Variants in LPIN3 observed in about 807,000 individuals in gnomAD.
LPIN3 encodes the protein lipin 3.
In LPIN3, 82 loss-of-function variants were observed where a neutral mutation model predicts 94.7. The ratio of observed to expected loss-of-function variants is 0.87; its 90% confidence interval spans 0.72 to 1.04. LPIN3 has a LOEUF of 1.04. Among genes scored for constraint, LPIN3 ranks in the 50% least tolerant of loss-of-function variants. The pLI is 0.00. For missense variants in LPIN3, 996 were observed against 1,090.5 expected, an observed-to-expected ratio of 0.91 and a Z score of 1.22; for synonymous variants, 418 against 443.3, an observed-to-expected ratio of 0.94 and a Z score of 0.72.
In LPIN3 at chr20:41,348,816, T is replaced by C. The variant is rs760219305; in HGVS notation, c.486T>C (p.Ser162=). 10 of 1,611,470 alleles carry C rather than the reference T, an allele frequency of 6.2e-6. No homozygotes were observed. The Middle Eastern group carries it at 9.9e-4, about 160-fold the overall frequency. ...AGGATGCAGTGGCAACTGATTCTAG[T>C]CCAGAGGAACTGGAGGCAGGCGCTG... ...QKEDAVATDS[S]PEELEAGAES... Residue 162 remains serine, a synonymous_variant, in exon 4 of 20, where the codon AGT becomes AGC. Coordinates refer to ENST00000373257, the MANE Select transcript of LPIN3 (RefSeq NM_022896.3).
chr20:41,358,013 G>C lies in LPIN3; in HGVS notation c.2171G>C (p.Ser724Thr). ...PKGPILLSPS[S>T]LFSALHREVI... ...GGCCCCATCCTTCTGTCTCCCAGCA[G>C]CCTCTTCTCTGCCCTCCACAGGTAA... is the stretch of plus-strand genomic sequence containing the variant. Residue 724 changes from serine to threonine, a missense_variant, in exon 17 of 20, where the codon AGC (serine) becomes ACC (threonine). By Grantham distance (58) the Ser-to-Thr change is moderately conservative. Coordinates refer to ENST00000373257, the MANE Select transcript of LPIN3 (RefSeq NM_022896.3). The C allele has an allele frequency of 6.2e-7, 1 of 1,607,978 alleles. No homozygotes were observed. Among genetic ancestry groups the C allele is most frequent in the Non-Finnish European group, 8.5e-7 (1 of 1,177,316 alleles).
At chr20:41,352,891 C>G (rs1428843658) in intron 11 of LPIN3, 24 bp downstream of exon 11, 1 of 1,612,774 alleles carries the variant, frequency 6.2e-7, no homozygotes, top group African/African-American at 1.3e-5. Context: ...CACCACTGCC[C>G]CTGCTGGGGA....
rs1448692871 is a variant in LPIN3 at position 41,354,866 on chromosome 20, G to C, written c.1664+3G>C. On this transcript the variant is annotated splice_donor_region_variant and intron_variant, in intron 13 of 19. Transcript: ENST00000373257. ...ACTGCAGCCAAGGAGCAGCAGGGGTGAGTGAGACCCCCTATTGGGGCTCTG... is the reference window on the plus strand; with the variant it reads ...ACTGCAGCCAAGGAGCAGCAGGGGTCAGTGAGACCCCCTATTGGGGCTCTG... The C allele has an allele frequency of 1.3e-6, 2 of 1,559,228 alleles. No individual in the cohort carries two copies. The highest frequency in any genetic ancestry group is 4.8e-5 in the East Asian group (2 of 41,462).
chr20:41,353,428 A>G (rs2046097153), intron 11 of LPIN3, among the ~76,000 whole-genome samples: 3 of 152,224 alleles, frequency 2.0e-5, no homozygotes, highest in Non-Finnish European at 4.4e-5. Flanking sequence ...CCAGATGAAT[A>G]TAATTCAGTC....
Position 41,358,759 on chromosome 20 carries a change from C to T in LPIN3, c.2449C>T (p.Pro817Ser), listed in dbSNP as rs1569014395. 2 of 1,614,166 alleles carry T rather than the reference C, an allele frequency of 1.2e-6. No individual in the cohort carries two copies. The highest frequency in any genetic ancestry group is 8.5e-7 in the Non-Finnish European group (1 of 1,180,034). ...RLGEVVELLF[P>S]PVARGPSTDL... is the part of the protein sequence containing the mutation. ...TGGTGAAGTGGTCGAGCTCCTCTTC[C>T]CACCTGTGGCCCGTGGCCCCAGCAC... Residue 817 changes from proline to serine, a missense_variant, in exon 20 of 20, where the codon CCA (proline) becomes TCA (serine). Pro to Ser is a moderately conservative substitution (Grantham distance 74). Transcript: ENST00000373257.
rs1480260482 is a variant in LPIN3, at chr20:41,360,542, T to C, written c.*1676T>C. 6.6e-6 allele frequency: 1 copy of C among 152,638 alleles called. No individual in the cohort carries two copies. The highest frequency in any genetic ancestry group is 2.1e-4 in the South Asian group (1 of 4,828). 9.5% of individuals were successfully genotyped at this position (152,638 alleles called of 1,614,324 possible). On this transcript the variant is annotated 3_prime_UTR_variant, in exon 20 of 20. Transcript: ENST00000373257. Reference sequence around the variant, plus strand: ...TTCTACAGCTGCCTAAGCCCTCACCTTGGGGGAGGATCAAAGGGAATAAAG... The same window carrying C: ...TTCTACAGCTGCCTAAGCCCTCACCCTGGGGGAGGATCAAAGGGAATAAAG...
rs563006381 is a variant in LPIN3, at chr20:41,345,264, G to A, written c.-8-532G>A. On this transcript the variant is annotated intron_variant, in intron 1 of 19. Coordinates refer to ENST00000373257, the MANE Select transcript of LPIN3 (RefSeq NM_022896.3). ...GCTGCCCCCTCTTCCCACCCCCTCC[G>A]TTTTCACAGTTGGACCATCCCAGTG... 8.5e-5 allele frequency among the ~76,000 whole-genome samples: 13 copies of A among 152,178 alleles called. No homozygotes were observed. The South Asian group carries it at 1.5e-3, about 17-fold the overall frequency.
chr20:41,348,520 C>T (rs2045870569), intron 3 of LPIN3, 99 bp from the exon 4 acceptor site: 1 of 1,496,886 alleles, frequency 6.7e-7, no homozygotes, highest in Non-Finnish European at 8.9e-7. Flanking sequence ...AATGAGCTCA[C>T]TCCAGGGCTG....
chr20:41,356,752 G>A (rs1171402633), intron 14 of LPIN3, among the ~76,000 whole-genome samples: 1 of 152,190 alleles, frequency 6.6e-6, no homozygotes, highest in Admixed American at 6.5e-5. Context: ...GGAATCCTGG[G>A]CAGGGAGTCA....
At chr20:41,350,786 CT>C (rs1283936662) in intron 7 of LPIN3, among the ~76,000 whole-genome samples, 1 of 152,150 alleles carries the variant, frequency 6.6e-6, no homozygotes, top group Non-Finnish European at 1.5e-5. Context: ...CTGAAAGCAG[CT>C]GGCGTGCCTT....
chr20:41,355,657 T>G (rs1282520208), intron 13 of LPIN3, among the ~76,000 whole-genome samples: 2 of 152,204 alleles, frequency 1.3e-5, no homozygotes, highest in African/African-American at 2.4e-5. Context: ...AGGCAGACAC[T>G]GAGGGCTGGC....
chr20:41,350,085 G>A lies in LPIN3; in HGVS notation c.790G>A (p.Val264Met). 6.2e-7 allele frequency: 1 copy of A among 1,608,008 alleles called. No individual in the cohort carries two copies. The highest frequency in any genetic ancestry group is 8.5e-7 in the Non-Finnish European group (1 of 1,177,032). ...VARAERPESS[V>M]VLEGRAGATS... Reference sequence around the variant, plus strand: ...CAGAGCTGAGCGGCCCGAGTCCTCAGTGGTCCTTGAAGGCAGAGCTGGGGC... The same window carrying A: ...CAGAGCTGAGCGGCCCGAGTCCTCAATGGTCCTTGAAGGCAGAGCTGGGGC... Residue 264 changes from valine to methionine, a missense_variant, in exon 7 of 20, where the codon GTG (valine) becomes ATG (methionine). Transcript: ENST00000373257.
chr20:41,341,710 C>T (rs1411647521), intron 1 of LPIN3, among the ~76,000 whole-genome samples: 1 of 152,212 alleles, frequency 6.6e-6, no homozygotes, highest in Non-Finnish European at 1.5e-5. Context: ...CCGCTGGGCG[C>T]GGTGGCTCAC....
chr20:41,355,101 A>G (rs1600736549), intron 13 of LPIN3, among the ~76,000 whole-genome samples: 1 of 151,074 alleles, frequency 6.6e-6, no homozygotes, highest in Non-Finnish European at 1.5e-5. Flanking sequence ...TGCAACCTCC[A>G]CCTCCCGGGT....
At position 41,357,397 on chromosome 20, in the gene LPIN3, G is replaced by A. The variant is rs1012029134; in HGVS notation, c.1989G>A (p.Gly663=). 1.2e-6 allele frequency: 2 copies of A among 1,614,054 alleles called. No individual in the cohort carries two copies. Among genetic ancestry groups the A allele is most frequent in the Non-Finnish European group, 1.7e-6 (2 of 1,179,998 alleles). The change falls in exon 16 of 20, where the codon GGG becomes GGA. Residue 663 remains glycine (G), a synonymous_variant. Coordinates refer to ENST00000373257, the MANE Select transcript of LPIN3 (RefSeq NM_022896.3). ...DALGHILPQL[G]KDWTHQGITS... is the part of the protein sequence containing the mutation. The stretch of plus-strand genomic sequence containing the variant: ...TGGGCCATATCCTGCCCCAGCTGGG[G>A]AAAGACTGGACACACCAGGGCATCA...
chr20:41,357,555 C>A, intron 16 of LPIN3, 108 bp downstream of exon 16: 3 of 988,504 alleles, frequency 3.0e-6, no homozygotes, highest in Non-Finnish European at 4.5e-6. Context: ...GGCAGGCTGC[C>A]AGGGCAGGTG....
At chr20:41,344,336 T>G (rs1425800245) in intron 1 of LPIN3, among the ~76,000 whole-genome samples, 1 of 152,178 alleles carries the variant, frequency 6.6e-6, no homozygotes, top group African/African-American at 2.4e-5. Context: ...CTTTACTCCC[T>G]CTCTCCCCTC....
Position 41,350,367 on chromosome 20 carries a change from G to A in LPIN3, c.1072G>A (p.Gly358Arg), listed in dbSNP as rs141654128. Residue 358 changes from glycine to arginine, a missense_variant, in exon 7 of 20, where the codon GGG (glycine) becomes AGG (arginine). By Grantham distance (125) the Gly-to-Arg change is moderately radical. Coordinates refer to ENST00000373257, the MANE Select transcript of LPIN3 (RefSeq NM_022896.3). ...WATLEVPVPT[G>R]QPERVSRGKG... ...CACTCTGGAGGTTCCAGTTCCCACCGGGCAGCCAGAGAGGGTCTCCAGGGG... is the reference window on the plus strand; with the variant it reads ...CACTCTGGAGGTTCCAGTTCCCACCAGGCAGCCAGAGAGGGTCTCCAGGGG... 53 of 1,584,690 alleles carry A rather than the reference G, an allele frequency of 3.3e-5. No homozygotes were observed. In the East Asian group the frequency reaches 6.5e-4, roughly 20 times the overall value.
At chr20:41,347,280 C>A (rs181700668) in intron 2 of LPIN3, among the ~76,000 whole-genome samples, 8 of 152,184 alleles carry the variant, frequency 5.3e-5, no homozygotes, top group African/African-American at 1.9e-4. Context: ...AAGACCGAGA[C>A]AGTGACAAGT....
Sources: allele counts gnomAD v4.1 joint callset (sites outside exome capture counted in the v4.1 genomes callset), GRCh38; gene constraint gnomAD v4.1.1; transcripts MANE v1.5; gene names NCBI Gene and HGNC (gene_info 2026-07-23, HGNC 2026-07-21).